Variants in WFS1 observed in about 807,000 individuals in gnomAD.
WFS1 encodes the protein wolframin ER transmembrane glycoprotein, also known as wolframin.
A neutral mutation model predicts 68.5 loss-of-function variants in WFS1; 90 were observed. That is an observed-to-expected ratio of 1.31 (90% CI 1.11 to 1.56). The LOEUF (loss-of-function observed/expected upper bound fraction) is 1.56. WFS1 is among the 40% of genes most tolerant of loss of function. The probability of loss-of-function intolerance (pLI) is 0.00; values close to 1 mark genes in which losing one functional copy is unlikely to be tolerated. For synonymous variants in WFS1, 860 were observed against 540.7 expected (o/e 1.59, Z -8.19); for missense variants, 1,767 against 1,232.6 (o/e 1.43, Z -6.49).
In WFS1 at chr4:6,302,180, GGAC is replaced by G. The variant is rs397517197; in HGVS notation, c.2390_2392del (p.Asp797del). 4 of 1,612,434 alleles carry G rather than the reference GGAC, an allele frequency of 2.5e-6. No individual in the cohort carries two copies. Among genetic ancestry groups the G allele is most frequent in the African/African-American group, 1.3e-5 (1 of 74,948 alleles). Reference sequence around the variant, plus strand: ...CTGACGGCTCGCGCAGCCGCGAGGAGGACGACGTCACCAAGGACATCGTGCTGC... The same window carrying G: ...CTGACGGCTCGCGCAGCCGCGAGGAGGACGTCACCAAGGACATCGTGCTGC... On this transcript the variant is annotated inframe_deletion, in exon 8 of 8. Coordinates refer to ENST00000226760, the MANE Select transcript of WFS1 (RefSeq NM_006005.3).
rs1368216331 is a variant in WFS1, at chr4:6,301,209, C to T, written c.1414C>T (p.Pro472Ser). The T allele has an allele frequency of 3.1e-6, 5 of 1,612,106 alleles. No individual in the cohort carries two copies. The highest frequency in any genetic ancestry group is 4.2e-6 in the Non-Finnish European group (5 of 1,179,958). Residue 472 changes from proline to serine, a missense_variant, in exon 8 of 8, where the codon CCC (proline) becomes TCC (serine). Pro to Ser is a moderately conservative substitution (Grantham distance 74, BLOSUM62 -1). Transcript: ENST00000226760. ...CACCGCCGGCCTGCTATCGCTGCTG[C>T]CCTCCATGCCCTTGAATTGGCCCTA... ...EVTAGLLSLL[P>S]SMPLNWPYLK...
chr4:6,292,339 T>G (rs1484321431), intron 6 of WFS1, among the ~76,000 whole-genome samples: 16 of 147,318 alleles, frequency 1.1e-4, no homozygotes, highest in South Asian at 2.2e-4. Context: ...GGGTCCTGAG[T>G]GGGGAAGGAT....
Position 6,283,238 on chromosome 4 carries a change from A to G in WFS1, c.233-3855A>G, listed in dbSNP as rs4568307. Among the ~76,000 whole-genome samples the G allele has an allele frequency of 0.72, 109,949 of 152,140 alleles. 40,323 individuals are homozygous for G. The highest frequency in any genetic ancestry group is 1 in the East Asian group (5,146 of 5,166). Reference sequence around the variant, plus strand: ...TAAAAAGATGTAGGGTGTTCTCCATAGAACCTCACAGAGGGAAGGAGACCT... The same window carrying G: ...TAAAAAGATGTAGGGTGTTCTCCATGGAACCTCACAGAGGGAAGGAGACCT... On this transcript the variant is annotated intron_variant, in intron 2 of 7. Coordinates refer to ENST00000226760, the MANE Select transcript of WFS1 (RefSeq NM_006005.3). The surrounding 1 kb of genome is among the most constrained non-coding windows in gnomAD (Gnocchi z 5.0).
intron 2 of WFS1, among the ~76,000 whole-genome samples, chr4:6,282,236 G>C (rs1730191299): frequency 6.6e-6 from 1 of 152,250 alleles, no homozygotes; most frequent in Non-Finnish European, 1.5e-5. Flanking sequence ...ATCATTGTCA[G>C]TGTCACAGAG....
At chr4:6,278,791 T>A (rs1042578196) in intron 2 of WFS1, among the ~76,000 whole-genome samples, 2 of 152,202 alleles carry the variant, frequency 1.3e-5, no homozygotes, top group Non-Finnish European at 2.9e-5. Flanking sequence ...ATCACTGTGC[T>A]CCTCTGCTTT....
At position 6,300,927 on chromosome 4, in the gene WFS1, A is replaced by G. The variant is rs770138866; in HGVS notation, c.1132A>G (p.Thr378Ala). 6.2e-7 allele frequency: 1 copy of G among 1,613,932 alleles called. No homozygotes were observed. The highest frequency in any genetic ancestry group is 1.7e-5 in the Admixed American group (1 of 60,016). Residue 378 changes from threonine (T) to alanine (A), a missense_variant, in exon 8 of 8, where the codon ACC becomes GCC. Physicochemically the swap from Thr to Ala is moderately conservative, Grantham distance 58 (BLOSUM62 0). Transcript: ENST00000226760. ...SKAWENFRTL[T>A]DLLLRFEPNL... ...GGCCTGGGAGAACTTCCGCACCCTC[A>G]CCGACCTGCTGCTGCGCTTCGAGCC...
intron 1 of WFS1, among the ~76,000 whole-genome samples, chr4:6,274,830 GCA>G (rs1469554859): frequency 5.1e-5 from 2 of 39,036 alleles, no homozygotes; most frequent in African/African-American, 9.5e-5. Context: ...GGGTGCAGTG[GCA>G]TGGCGGTCTG....
chr4:6,300,592 G>A (rs960338973), intron 7 of WFS1, 65 bp from the exon 8 acceptor site: 11 of 1,607,768 alleles, frequency 6.8e-6, no homozygotes, highest in African/African-American at 1.3e-5. Flanking sequence ...GTCAGAGGGA[G>A]GCGTGAGATG....
intron 2 of WFS1, among the ~76,000 whole-genome samples, chr4:6,281,259 G>T (rs1350930059): frequency 6.6e-6 from 1 of 152,128 alleles, no homozygotes; most frequent in Admixed American, 6.5e-5. Flanking sequence ...TTCGGGTGTG[G>T]GGAAAGCAGG....
chr4:6,299,755 A>G (rs1297394035), intron 7 of WFS1, among the ~76,000 whole-genome samples: 100 of 35,872 alleles, frequency 2.8e-3, no homozygotes, highest in Non-Finnish European at 3.2e-3. Context: ...GTGTGTGTGT[A>G]GGGGTGGGTT....
At position 6,301,412 on chromosome 4, in the gene WFS1, G is replaced by A; in HGVS notation, c.1617G>A (p.Met539Ile). 1 of 1,612,526 alleles carries A rather than the reference G, an allele frequency of 6.2e-7. No homozygotes were observed. Among genetic ancestry groups the A allele is most frequent in the Non-Finnish European group, 8.5e-7 (1 of 1,180,022 alleles). Reference sequence around the variant, plus strand: ...TTGTGCCCTACCTGGTGTGCTTCATGTGGTGTGAGCTCTCCGTGGTCATCC... The same window carrying A: ...TTGTGCCCTACCTGGTGTGCTTCATATGGTGTGAGCTCTCCGTGGTCATCC... ...CYLVPYLVCF[M>I]WCELSVVILL... Residue 539 changes from methionine (M) to isoleucine (I), a missense_variant, in exon 8 of 8, where the codon ATG (methionine) becomes ATA (isoleucine). By Grantham distance (10) the Met-to-Ile change is conservative. Coordinates refer to ENST00000226760, the MANE Select transcript of WFS1 (RefSeq NM_006005.3).
rs1435180592 is a variant in WFS1, at chr4:6,269,971, G to A, written c.-49G>A. Reference sequence around the variant, plus strand: ...GAACAACTTTTCTGCCGGCCCAGAGGCCCCAGGGCGTCGCAGCGCCGCGTG... The same window carrying A: ...GAACAACTTTTCTGCCGGCCCAGAGACCCCAGGGCGTCGCAGCGCCGCGTG... On this transcript the variant is annotated 5_prime_UTR_variant, in exon 1 of 8. Transcript: ENST00000226760. The A allele has an allele frequency of 1.3e-5, 2 of 152,204 alleles. No homozygotes were observed. Among genetic ancestry groups the A allele is most frequent in the Non-Finnish European group, 2.9e-5 (2 of 68,040 alleles). The allele number at this position is 152,204 out of a possible 1,614,324, so 9.4% of individuals were successfully genotyped here. A position where few individuals can be genotyped will look rare whatever the true frequency, so the allele number is the denominator to read the frequency against.
intron 2 of WFS1, among the ~76,000 whole-genome samples, chr4:6,279,252 T>A (rs946268620): frequency 1.3e-5 from 2 of 152,204 alleles, no homozygotes; most frequent in African/African-American, 4.8e-5. Context: ...TGGGTGAGCA[T>A]CAGTTGAAAT....
chr4:6,284,538 G>A (rs1395777992), intron 2 of WFS1, among the ~76,000 whole-genome samples: 3 of 151,896 alleles, frequency 2.0e-5, no homozygotes, highest in African/African-American at 4.8e-5. Context: ...TTTAAAAAAG[G>A]GAAGAATAAT....
chr4:6,270,039 T>G (rs950828556), intron 1 of WFS1, 25 bp downstream of exon 1: 1 of 114,378 alleles, frequency 8.7e-6, no homozygotes, highest in Admixed American at 8.1e-5. Context: ...GCTGGGGCAG[T>G]GGCGCGGTGG....
chr4:6,298,620 C>T (rs891561170), intron 7 of WFS1, among the ~76,000 whole-genome samples: 3 of 152,058 alleles, frequency 2.0e-5, no homozygotes, highest in Admixed American at 6.5e-5. Flanking sequence ...TCCTTCTCAT[C>T]TGTGGAAGGC....
chr4:6,294,917 C>G (rs1730583316), intron 6 of WFS1, 124 bp from the exon 7 acceptor site: 2 of 1,532,066 alleles, frequency 1.3e-6, no homozygotes, highest in African/African-American at 1.4e-5. Context: ...TTTCCTCCAC[C>G]TGAACCCACT....
intron 2 of WFS1, among the ~76,000 whole-genome samples, chr4:6,286,880 C>T (rs1025793863): frequency 3.3e-5 from 5 of 152,212 alleles, no homozygotes; most frequent in African/African-American, 1.2e-4. Context: ...AGAGTTTGCT[C>T]ATCTTGCTCT....
At position 6,291,994 on chromosome 4, in the gene WFS1, G is replaced by A. The variant is rs763480468; in HGVS notation, c.709G>A (p.Glu237Lys). ...CATGCTGGAGCGCCTGGTCAGCAGC[G>A]AGTGTGAGTGCAGCCCCTGCCCCGT... is the stretch of plus-strand genomic sequence containing the variant. Reference protein sequence around the residue: ...RRMLERLVSSESKNYIALDDF... With the variant: ...RRMLERLVSSKSKNYIALDDF... Residue 237 changes from glutamate to lysine, a missense_variant, in exon 6 of 8, where the codon GAG becomes AAG. Coordinates refer to ENST00000226760, the MANE Select transcript of WFS1 (RefSeq NM_006005.3). The A allele has an allele frequency of 3.1e-5, 49 of 1,606,534 alleles. No homozygotes were observed. Among genetic ancestry groups the A allele is most frequent in the Non-Finnish European group, 3.9e-5 (46 of 1,177,714 alleles).
Sources: allele counts gnomAD v4.1 joint callset (sites outside exome capture counted in the v4.1 genomes callset), GRCh38; gene constraint gnomAD v4.1.1; non-coding constraint Gnocchi (gnomAD v3.1); transcripts MANE v1.5; gene names NCBI Gene and HGNC (gene_info 2026-07-23, HGNC 2026-07-21).